Variants in GPRC5C observed in about 807,000 individuals in gnomAD.
GPRC5C encodes G protein-coupled receptor family C group 5 member C.
Under a neutral mutation model 31.4 loss-of-function variants are expected in GPRC5C, and 22 were observed. The observed-to-expected ratio is 0.70, with a 90% CI of 0.50 to 1.00. The LOEUF is 1.00. Ranked by LOEUF, GPRC5C falls within the 50% of genes least tolerant of loss-of-function variation. The probability of loss-of-function intolerance (pLI) is 0.00; values close to 1 mark genes in which losing one functional copy is unlikely to be tolerated. For missense variants in GPRC5C, 557 were observed against 597.2 expected (o/e 0.93, Z 0.70); for synonymous variants, 249 against 257.5 (o/e 0.97, Z 0.32).
At position 74,446,968 on chromosome 17, in the gene GPRC5C, C is replaced by G; in HGVS notation, c.1266C>G (p.Ala422=). ...DMYSAQSHQA[A]TPPKDGKNSQ... ...ACTCGGCCCAGAGCCACCAGGCGGC[C>G]ACACCGCCGAAAGACGGCAAGAACT... Residue 422 remains alanine, a synonymous_variant, in exon 4 of 4, where the codon GCC becomes GCG. Transcript: ENST00000392627. The G allele has an allele frequency of 1.2e-6, 2 of 1,614,168 alleles. No homozygotes were observed. The highest frequency in any genetic ancestry group is 1.7e-6 in the Non-Finnish European group (2 of 1,179,988).
chr17:74,440,059 C>T lies in GPRC5C; in HGVS notation c.283C>T (p.Leu95=). The T allele has an allele frequency of 5.0e-6, 8 of 1,612,936 alleles. No individual in the cohort carries two copies. The highest frequency in any genetic ancestry group is 6.8e-6 in the Non-Finnish European group (8 of 1,180,012). The change falls in exon 2 of 4, where the codon CTG becomes TTG. Residue 95 remains leucine (L), a synonymous_variant. Coordinates refer to ENST00000392627, the MANE Select transcript of GPRC5C (RefSeq NM_022036.4). This position sits in a 1 kb window ranked among gnomAD's most constrained non-coding sequence, Gnocchi z 4.4. ...GCTGGGGACCCAGGTATTCTTCCTT[C>T]TGGGGACCCTGGGCCTCTTCTGCCT... ...SLLGTQVFFL[L]GTLGLFCLVF... is the part of the protein sequence containing the mutation.
At chr17:74,439,250 C>A (rs957482969) in intron 1 of GPRC5C, among the ~76,000 whole-genome samples, 11 of 152,168 alleles carry the variant, frequency 7.2e-5, no homozygotes, top group African/African-American at 2.7e-4. Context: ...CTTGTTAAGT[C>A]TATTGAATGA....
chr17:74,444,452 G>C (rs7225984), intron 3 of GPRC5C, among the ~76,000 whole-genome samples: 2 of 151,896 alleles, frequency 1.3e-5, no homozygotes, highest in Non-Finnish European at 2.9e-5. Context: ...CAGGGGAGGG[G>C]GAGGGAGCAG....
chr17:74,433,400 C>T (rs915081086), intron 1 of GPRC5C, among the ~76,000 whole-genome samples: 8 of 151,558 alleles, frequency 5.3e-5, no homozygotes, highest in African/African-American at 1.9e-4. Context: ...GGGGCAGGGG[C>T]AGGGGGATAG....
chr17:74,432,382 G>T lies in GPRC5C; in HGVS notation c.-33+241G>T, dbSNP rs1471832754. On this transcript the variant is annotated intron_variant, in intron 1 of 3. Transcript: ENST00000392627. ...CAGGGAGAGGCAGGCCCTGCGTCCC[G>T]GCCCGGGCCCCGCCATCCCAGCCAG... is the stretch of plus-strand genomic sequence containing the variant. 3.1e-6 allele frequency: 4 copies of T among 1,311,074 alleles called. No homozygotes were observed. In the Admixed American group the frequency reaches 1.5e-4, roughly 50 times the overall value. 81.2% of individuals were successfully genotyped at this position (1,311,074 alleles called of 1,614,324 possible).
Position 74,440,243 on chromosome 17 carries a change from T to C in GPRC5C, c.467T>C (p.Ile156Thr). ...AACCACGGGCCCCGGGGCTGGGTGA[T>C]CTTCACTGTGGCTCTGCTGCTGACC... ...RKNHGPRGWV[I>T]FTVALLLTLV... The change falls in exon 2 of 4, where the codon ATC becomes ACC. Residue 156 changes from isoleucine (I) to threonine (T), a missense_variant. Coordinates refer to ENST00000392627, the MANE Select transcript of GPRC5C (RefSeq NM_022036.4). The surrounding 1 kb of genome is among the most constrained non-coding windows in gnomAD (Gnocchi z 4.4). The C allele has an allele frequency of 6.2e-7, 1 of 1,614,162 alleles. No individual in the cohort carries two copies. Among genetic ancestry groups the C allele is most frequent in the Non-Finnish European group, 8.5e-7 (1 of 1,180,024 alleles).
chr17:74,440,105 A>C lies in GPRC5C; in HGVS notation c.329A>C (p.Lys110Thr). 6.2e-7 allele frequency: 1 copy of C among 1,614,010 alleles called. No individual in the cohort carries two copies. Among genetic ancestry groups the C allele is most frequent in the Non-Finnish European group, 8.5e-7 (1 of 1,180,016 alleles). Reference protein sequence around the residue: ...LFCLVFACVVKPDFSTCASRR... With the variant: ...LFCLVFACVVTPDFSTCASRR... Reference sequence around the variant, plus strand: ...TGCCTCGTGTTTGCCTGTGTGGTGAAGCCCGACTTCTCCACCTGTGCCTCT... The same window carrying C: ...TGCCTCGTGTTTGCCTGTGTGGTGACGCCCGACTTCTCCACCTGTGCCTCT... The change falls in exon 2 of 4, where the codon AAG becomes ACG. Residue 110 changes from lysine (K) to threonine (T), a missense_variant. By Grantham distance (78) the Lys-to-Thr change is moderately conservative. Transcript: ENST00000392627. The surrounding 1 kb of genome is among the most constrained non-coding windows in gnomAD (Gnocchi z 4.4).
chr17:74,432,239 G>C, intron 1 of GPRC5C, 98 bp downstream of exon 1: 1 of 1,539,366 alleles, frequency 6.5e-7, no homozygotes, highest in Non-Finnish European at 8.8e-7. Context: ...GCCCTGAATG[G>C]AGGTGATGTA....
chr17:74,449,017 C>T (rs140435708), downstream of GPRC5C: 1,169 of 669,290 alleles, frequency 1.7e-3, 11 homozygotes, highest in African/African-American at 0.02. Context: ...GCTGCCAGGC[C>T]GGCCCCGGGG....
intron 3 of GPRC5C, chr17:74,446,578 T>G: frequency 2.4e-6 from 1 of 409,432 alleles, no homozygotes; most frequent in South Asian, 5.0e-5. Context: ...AGTAGGAGGG[T>G]CTTGAGAAGG....
intron 1 of GPRC5C, among the ~76,000 whole-genome samples, chr17:74,439,324 T>C (rs1328163550): frequency 1.3e-5 from 2 of 152,170 alleles, no homozygotes; most frequent in Admixed American, 6.6e-5. Context: ...TTTAGGGGCA[T>C]AGCAGCTGAC....
chr17:74,432,595 A>G (rs2144396765), intron 1 of GPRC5C: 1 of 837,088 alleles, frequency 1.2e-6, no homozygotes, highest in East Asian at 1.3e-4. Flanking sequence ...GGGCGAGGGC[A>G]GAGGCGGGGG....
chr17:74,442,138 G>C (rs2055551766), intron 2 of GPRC5C, among the ~76,000 whole-genome samples: 1 of 152,106 alleles, frequency 6.6e-6, no homozygotes, highest in African/African-American at 2.4e-5. Context: ...AAGTAGCTGG[G>C]ATTACAGGCA....
At position 74,440,701 on chromosome 17, in the gene GPRC5C, G is replaced by C. The variant is rs866483042; in HGVS notation, c.925G>C (p.Glu309Gln). The change falls in exon 2 of 4, where the codon GAG (glutamate) becomes CAG (glutamine). Residue 309 changes from glutamate (E) to glutamine (Q), a missense_variant. Physicochemically the swap from Glu to Gln is conservative, Grantham distance 29. Transcript: ENST00000392627. This position sits in a 1 kb window ranked among gnomAD's most constrained non-coding sequence, Gnocchi z 4.4. ...EVSQVTKSSP[E>Q]QSYQGDMYPT... ...CTCCCAGGTGACCAAGTCCAGCCCA[G>C]AGCAAAGCTACCAGGGGGACATGTA... is the stretch of plus-strand genomic sequence containing the variant. The C allele has an allele frequency of 1.2e-6, 2 of 1,606,946 alleles. No homozygotes were observed. The highest frequency in any genetic ancestry group is 2.7e-5 in the African/African-American group (2 of 74,840).
At chr17:74,432,443 T>G in intron 1 of GPRC5C, 1 of 1,093,192 alleles carries the variant, frequency 9.1e-7, no homozygotes, top group Non-Finnish European at 1.1e-6. Flanking sequence ...GCCGCGTCCC[T>G]CCCACCCCCG....
intron 2 of GPRC5C, chr17:74,443,540 C>T: frequency 3.4e-6 from 2 of 590,184 alleles, no homozygotes; most frequent in Middle Eastern, 5.2e-4. Flanking sequence ...ATTTTCTGAG[C>T]TGTTGGGTCA....
intron 1 of GPRC5C, among the ~76,000 whole-genome samples, chr17:74,438,819 C>T (rs1366483701): frequency 6.6e-6 from 1 of 152,316 alleles, no homozygotes. Context: ...CTCCACTTCA[C>T]GTGGGAAAAT....
Position 74,439,795 on chromosome 17 carries a change from T to C in GPRC5C, c.19T>C (p.Leu7=), listed in dbSNP as rs761335480. 6.2e-6 allele frequency: 10 copies of C among 1,613,380 alleles called. No homozygotes were observed. The highest frequency in any genetic ancestry group is 2.2e-5 in the South Asian group (2 of 91,076). ...AGCCAGGATGGCCATCCACAAAGCC[T>C]TGGTGATGTGCCTGGGACTGCCTCT... The part of the protein sequence containing the change: MAIHKA[L]VMCLGLPLFL... Residue 7 remains leucine, a synonymous_variant, in exon 2 of 4, where the codon TTG becomes CTG. Transcript: ENST00000392627.
chr17:74,433,647 C>T (rs975637757), intron 1 of GPRC5C: 4 of 1,373,546 alleles, frequency 2.9e-6, no homozygotes, highest in Non-Finnish European at 4.2e-6. Context: ...TCCCTATAGG[C>T]TCTTGAGTGT....
Sources: allele counts gnomAD v4.1 joint callset (sites outside exome capture counted in the v4.1 genomes callset), GRCh38; gene constraint gnomAD v4.1.1; non-coding constraint Gnocchi (gnomAD v3.1); transcripts MANE v1.5; gene names NCBI Gene and HGNC (gene_info 2026-07-23, HGNC 2026-07-21).